Variants in ABCB7 observed in about 807,000 individuals in gnomAD.
The protein encoded by ABCB7 is iron-sulfur clusters transporter ABCB7, mitochondrial.
In ABCB7, 7 loss-of-function variants were observed where a neutral mutation model predicts 54.4. The observed-to-expected ratio is 0.13, with a 90% CI of 0.07 to 0.24. The LOEUF (loss-of-function observed/expected upper bound fraction) is 0.24, where lower values mean the gene tolerates loss of function less well. ABCB7 is among the 10% of genes least tolerant of loss of function. ABCB7 has a pLI of 1.00. For missense variants in ABCB7, 356 were observed against 570.4 expected (o/e 0.62, Z 3.83); for synonymous variants, 218 against 207.1 (o/e 1.05, Z -0.45).
At chrX:75,109,828 A>C (rs1365799085) in intron 3 of ABCB7, among the ~76,000 whole-genome samples, 1 of 112,085 alleles carries the variant, frequency 8.9e-6, no homozygotes, top group Non-Finnish European at 1.9e-5. Context: ...TGTCTCCTCA[A>C]CCCAACAACT....
At chrX:75,115,145 G>A (rs764679495) in intron 1 of ABCB7, among the ~76,000 whole-genome samples, 1 of 106,800 alleles carries the variant, frequency 9.4e-6, no homozygotes, top group South Asian at 4.2e-4. Flanking sequence ...GCGTGCGCCT[G>A]TAGTCCCAGT....
Position 75,099,068 on chromosome X carries a change from A to C in ABCB7, c.334-7T>G. ...GAGTATCAACATCTTTTAACTATTG[A>C]AAGAGAGAAAACAAAGCAGTGAATA... On this transcript the variant is annotated splice_region_variant and splice_polypyrimidine_tract_variant and intron_variant, in intron 3 of 15. Transcript: ENST00000373394. 1.7e-6 allele frequency: 2 copies of C among 1,205,819 alleles called. No homozygotes were observed. The highest frequency in any genetic ancestry group is 2.2e-6 in the Non-Finnish European group (2 of 890,819).
At chrX:75,086,774 AC>A (rs1317568893) in intron 4 of ABCB7, among the ~76,000 whole-genome samples, 5 of 111,791 alleles carry the variant, frequency 4.5e-5, no homozygotes, top group Non-Finnish European at 7.5e-5. Flanking sequence ...AGCACTGGTC[AC>A]GAGGCCCCAC....
intron 1 of ABCB7, among the ~76,000 whole-genome samples, chrX:75,143,855 G>A (rs981874219): frequency 9.0e-6 from 1 of 111,186 alleles, no homozygotes; most frequent in Non-Finnish European, 1.9e-5. Context: ...ACAACATGTG[G>A]GAATTGTGGG....
At chrX:75,115,044 C>A (rs773320039) in intron 1 of ABCB7, among the ~76,000 whole-genome samples, 1 of 109,977 alleles carries the variant, frequency 9.1e-6, no homozygotes, top group South Asian at 3.9e-4. Context: ...CTAAGGCGGG[C>A]GGATCACGAG....
Position 75,114,750 on chromosome X carries a change from T to C in ABCB7, c.246+4A>G. On this transcript the variant is annotated splice_donor_region_variant and intron_variant, in intron 2 of 15. Coordinates refer to ENST00000373394, the MANE Select transcript of ABCB7 (RefSeq NM_001271696.3). ...TATATGTAGACATGTTTGCTCAATC[T>C]TACCTTTGCAGCATCTAAGAACTGT... 2 of 1,196,517 alleles carry C rather than the reference T, an allele frequency of 1.7e-6. No individual in the cohort carries two copies. Among genetic ancestry groups the C allele is most frequent in the South Asian group, 1.8e-5 (1 of 56,576 alleles).
At chrX:75,147,047 C>A (rs1320084437) in intron 1 of ABCB7, among the ~76,000 whole-genome samples, 3 of 108,561 alleles carry the variant, frequency 2.8e-5, no homozygotes, top group Non-Finnish European at 3.8e-5. Flanking sequence ...ATGCAGCCAA[C>A]AAGCACACAA....
At chrX:75,078,669 G>T (rs1041317415) in intron 4 of ABCB7, among the ~76,000 whole-genome samples, 2 of 111,837 alleles carry the variant, frequency 1.8e-5, no homozygotes, top group Non-Finnish European at 3.8e-5. Context: ...GGAACCTCAG[G>T]TTCCACAAGG....
At chrX:75,079,043 G>A (rs971672070) in intron 4 of ABCB7, among the ~76,000 whole-genome samples, 6 of 111,767 alleles carry the variant, frequency 5.4e-5, no homozygotes, top group African/African-American at 2.0e-4. Context: ...AAGCTGTAGT[G>A]AATGACGCCT....
chrX:75,115,266 CAAAAAAAAAAA>C (rs1160024642), intron 1 of ABCB7, among the ~76,000 whole-genome samples: 17 of 13,246 alleles, frequency 1.3e-3, no homozygotes, highest in East Asian at 3.9e-3. Flanking sequence ...GACTCTGTCT[CAAAAAAAAAAA>C]AAAAAAAAAA....
intron 1 of ABCB7, among the ~76,000 whole-genome samples, chrX:75,150,117 C>T (rs2082120597): frequency 9.0e-6 from 1 of 110,886 alleles, no homozygotes; most frequent in African/African-American, 3.3e-5. Flanking sequence ...AGGGCAAGTC[C>T]CTGAAAGCAG....
chrX:75,054,175 G>A (rs754649234), intron 15 of ABCB7, among the ~76,000 whole-genome samples: 3 of 111,864 alleles, frequency 2.7e-5, no homozygotes, highest in Admixed American at 9.5e-5. Context: ...TGATAGCTAC[G>A]GTTAACCATG....
intron 1 of ABCB7, among the ~76,000 whole-genome samples, chrX:75,146,627 T>C (rs1346058193): frequency 8.9e-6 from 1 of 111,817 alleles, no homozygotes; most frequent in Non-Finnish European, 1.9e-5. Flanking sequence ...AGGCCGAAGA[T>C]TGAAACTGGA....
In ABCB7 at chrX:75,122,442, C is replaced by T. The variant is rs1251032067; in HGVS notation, c.169-7611G>A. ...CGAGCAGCAGCTCATGCTGCTGCCC[C>T]GCCTATGGAATAGCCATTCTGCAAT... is the stretch of plus-strand genomic sequence containing the variant. On this transcript the variant is annotated intron_variant, in intron 1 of 15. Transcript: ENST00000373394. Among the ~76,000 whole-genome samples, 7 of 112,108 alleles carry T rather than the reference C, an allele frequency of 6.2e-5. No homozygotes were observed. The South Asian group carries it at 1.1e-3, about 18-fold the overall frequency.
intron 2 of ABCB7, 69 bp from the exon 3 acceptor site, chrX:75,113,041 G>T: frequency 1.0e-6 from 1 of 959,773 alleles, no homozygotes. Flanking sequence ...AATTTGGCTT[G>T]AACAGTCTAA....
chrX:75,077,244 C>A lies in ABCB7; in HGVS notation c.454-590G>T, dbSNP rs367551086. Among the ~76,000 whole-genome samples, 12 of 111,946 alleles carry A rather than the reference C, an allele frequency of 1.1e-4. No homozygotes were observed. The East Asian group carries it at 3.1e-3, about 29-fold the overall frequency. On this transcript the variant is annotated intron_variant, in intron 4 of 15. Transcript: ENST00000373394. ...ACCATTTGAAAAAACATTGATAAAT[C>A]CATTTGTCCTACAGAAAGCTTCTTT...
chrX:75,139,642 C>A (rs1344958743), intron 1 of ABCB7, among the ~76,000 whole-genome samples: 1 of 112,153 alleles, frequency 8.9e-6, no homozygotes, highest in Non-Finnish European at 1.9e-5. Flanking sequence ...ATTCTATATA[C>A]TCAATGAAGG....
intron 1 of ABCB7, among the ~76,000 whole-genome samples, chrX:75,131,615 C>T (rs760192926): frequency 2.7e-5 from 3 of 111,533 alleles, no homozygotes; most frequent in South Asian, 7.6e-4. Context: ...ACACACAGAC[C>T]GCCATTTTTG....
chrX:75,112,507 G>A (rs1295218787), intron 3 of ABCB7, among the ~76,000 whole-genome samples: 1 of 111,590 alleles, frequency 9.0e-6, no homozygotes, highest in Non-Finnish European at 1.9e-5. Context: ...GATATTCTAG[G>A]ATTTCTCTAA....
Sources: allele counts gnomAD v4.1 joint callset (sites outside exome capture counted in the v4.1 genomes callset), GRCh38; gene constraint gnomAD v4.1.1; transcripts MANE v1.5; gene names NCBI Gene and HGNC (gene_info 2026-07-23, HGNC 2026-07-21).